The following MSANTD3 variants were observed in gnomAD, a reference collection of about 807,000 sequenced individuals.
The protein encoded by MSANTD3 is Myb/SANT DNA binding domain containing 3.
In MSANTD3, 11 loss-of-function variants were observed where a neutral mutation model predicts 27.7. That is an observed-to-expected ratio of 0.40 (90% CI 0.25 to 0.66). MSANTD3 has a LOEUF of 0.66. Among genes scored for constraint, MSANTD3 ranks in the 30% least tolerant of loss-of-function variants. The pLI is 0.41. For missense variants in MSANTD3, 250 were observed against 336.5 expected, an observed-to-expected ratio of 0.74 and a Z score of 2.01; for synonymous variants, 131 against 127.2, an observed-to-expected ratio of 1.03 and a Z score of -0.20.
intron 2 of MSANTD3, 147 bp from the exon 3 acceptor site, chr9:100,450,410 A>G: frequency 1.7e-6 from 1 of 600,212 alleles, no homozygotes; most frequent in Non-Finnish European, 2.6e-6. Flanking sequence ...AGGTGTGGCT[A>G]GGGTCCCTGT....
chr9:100,448,386 G>C, intron 2 of MSANTD3: 2 of 985,238 alleles, frequency 2.0e-6, no homozygotes, highest in Non-Finnish European at 2.4e-6. Flanking sequence ...GACATTTTCA[G>C]ATCCAAAACT....
intron 1 of MSANTD3, among the ~76,000 whole-genome samples, chr9:100,437,839 T>C (rs1836510219): frequency 6.6e-6 from 1 of 152,172 alleles, no homozygotes; most frequent in African/African-American, 2.4e-5. Context: ...CAGAAAACAT[T>C]GAAGTATAAC....
At chr9:100,431,154 C>T (rs1025558805) in intron 1 of MSANTD3, among the ~76,000 whole-genome samples, 5 of 152,018 alleles carry the variant, frequency 3.3e-5, no homozygotes, top group African/African-American at 1.2e-4. Flanking sequence ...AGGCATGCAC[C>T]ATGATACCTG....
At chr9:100,441,444 C>T (rs112096474) in intron 1 of MSANTD3, among the ~76,000 whole-genome samples, 1 of 151,122 alleles carries the variant, frequency 6.6e-6, no homozygotes, top group African/African-American at 2.4e-5. Context: ...GACCAGCCTG[C>T]CCAACATGGT....
chr9:100,442,363 G>T lies in MSANTD3; in HGVS notation c.418+7G>T, dbSNP rs201158889. On this transcript the variant is annotated splice_region_variant and intron_variant, in intron 2 of 2. Transcript: ENST00000395067. ...CCCGACGCCTCAGCCCAAGGTATCCGTTCCTGATGCCAGTGTGCACGCTCT... is the reference window on the plus strand; with the variant it reads ...CCCGACGCCTCAGCCCAAGGTATCCTTTCCTGATGCCAGTGTGCACGCTCT... 1.2e-6 allele frequency: 2 copies of T among 1,604,198 alleles called. No homozygotes were observed. The highest frequency in any genetic ancestry group is 8.5e-7 in the Non-Finnish European group (1 of 1,175,936).
chr9:100,449,456 T>C (rs1836831573), intron 2 of MSANTD3, among the ~76,000 whole-genome samples: 1 of 152,058 alleles, frequency 6.6e-6, no homozygotes, highest in African/African-American at 2.4e-5. Context: ...AGAGTACATA[T>C]AAAGGAGAGA....
At chr9:100,448,929 C>T (rs1836819047) in intron 2 of MSANTD3, 9 of 984,864 alleles carry the variant, frequency 9.1e-6, no homozygotes, top group Non-Finnish European at 1.1e-5. Context: ...GTTACTTTAC[C>T]TCTTGGAGTG....
chr9:100,444,940 C>G, intron 2 of MSANTD3: 1 of 438,564 alleles, frequency 2.3e-6, no homozygotes, highest in Admixed American at 3.8e-5. Context: ...GATGTTTGTA[C>G]ATAGATGACA....
intron 1 of MSANTD3, 37 bp from the exon 2 acceptor site, chr9:100,441,869 G>T (rs1836631598): frequency 1.3e-6 from 2 of 1,522,052 alleles, no homozygotes; most frequent in Non-Finnish European, 1.8e-6. Context: ...TGTTTTTGCT[G>T]GAGTTGGTAA....
intron 1 of MSANTD3, among the ~76,000 whole-genome samples, chr9:100,432,086 T>A (rs1836388959): frequency 1.3e-5 from 2 of 152,112 alleles, no homozygotes; most frequent in Admixed American, 1.3e-4. Flanking sequence ...GGGGGAGACC[T>A]GGCTTTCAAC....
rs754540059 is a variant in MSANTD3, at chr9:100,440,931, C to CTT, written c.-33-954_-33-953dup. Among the ~76,000 whole-genome samples the CTT allele has an allele frequency of 3.5e-3, 341 of 98,288 alleles. 4 individuals are homozygous for CTT. The highest frequency in any genetic ancestry group is 8.3e-3 in the Middle Eastern group (1 of 120). The allele number at this position is 98,288 out of a possible 152,430, so 64.5% of individuals were successfully genotyped here. Reference sequence around the variant, plus strand: ...TGAGCCACTGTGCCCGGCTGTACATCTTTTTTTTTTTTTTTTTTTTTTGAG... The same window carrying CTT: ...TGAGCCACTGTGCCCGGCTGTACATCTTTTTTTTTTTTTTTTTTTTTTTTGAG... On this transcript the variant is annotated intron_variant, in intron 1 of 2. Transcript: ENST00000395067.
intron 1 of MSANTD3, among the ~76,000 whole-genome samples, chr9:100,432,248 A>C (rs1836392926): frequency 1.3e-5 from 2 of 152,254 alleles, no homozygotes; most frequent in African/African-American, 4.8e-5. Context: ...TTGACTGGAA[A>C]GCTCTCGAAA....
chr9:100,430,385 T>G (rs1836345745), intron 1 of MSANTD3, among the ~76,000 whole-genome samples: 1 of 150,940 alleles, frequency 6.6e-6, no homozygotes. Context: ...GGGTAAAGGA[T>G]TCCAGCCAAA....
In MSANTD3 at chr9:100,442,513, A is replaced by G. The variant is rs548530171; in HGVS notation, c.418+157A>G. 1.6e-4 allele frequency among the ~76,000 whole-genome samples: 24 copies of G among 152,332 alleles called. No homozygotes were observed. The South Asian group carries it at 2.9e-3, about 18-fold the overall frequency. ...GATCTCAGGATTATATAGGACATTC[A>G]AAGTCTTATAGAAGTGGGCGTGGTG... On this transcript the variant is annotated intron_variant, in intron 2 of 2. Transcript: ENST00000395067.
At chr9:100,439,372 T>C (rs73655546) in intron 1 of MSANTD3, among the ~76,000 whole-genome samples, 21,548 of 152,224 alleles carry the variant, frequency 0.14, 1,770 homozygotes, top group Middle Eastern at 0.2. Context: ...CCTCCCCTGC[T>C]TAATTTTTTA....
intron 1 of MSANTD3, among the ~76,000 whole-genome samples, chr9:100,440,972 G>A (rs1447031282): frequency 2.4e-5 from 3 of 122,516 alleles, no homozygotes; most frequent in Non-Finnish European, 4.8e-5. Context: ...GTCTCACTCT[G>A]TCACCCAGGC....
rs533234800 is a variant in MSANTD3, at chr9:100,441,951, G to A, written c.13G>A (p.Glu5Lys). MQNNEIIKPAKYFSE... is the reference protein window; with the variant it reads MQNNKIIKPAKYFSE... ...AATACAGTGGAAAATGCAAAACAAC[G>A]AAATTATAAAGCCTGCCAAATACTT... The change falls in exon 2 of 3, where the codon GAA becomes AAA. Residue 5 changes from glutamate to lysine, a missense_variant. This residue lies in a region of MSANTD3 where 13 missense variants were observed against 16.7 expected (regional missense o/e 0.78). Transcript: ENST00000395067. 158 of 1,605,210 alleles carry A rather than the reference G, an allele frequency of 9.8e-5. 3 individuals carry two copies. The South Asian group carries it at 1.7e-3, about 17-fold the overall frequency.
At position 100,450,943 on chromosome 9, in the gene MSANTD3, C is replaced by T. The variant is rs1030412271; in HGVS notation, c.805C>T (p.Arg269Trp). ...GGAATGGCCTGTTTCCTCATTTAAC[C>T]GGCCCTTTCCCAATTCGCCCTAAGA... Reference protein sequence around the residue: ...TKEWPVSSFNRPFPNSP With the variant: ...TKEWPVSSFNWPFPNSP Residue 269 changes from arginine to tryptophan, a missense_variant, in exon 3 of 3, where the codon CGG becomes TGG. Arg to Trp is a moderately radical substitution (Grantham distance 101). Around this residue, in one of 3 missense-constraint regions of MSANTD3, gnomAD observed 235 missense variants for 299.3 expected, o/e 0.79. Coordinates refer to ENST00000395067, the MANE Select transcript of MSANTD3 (RefSeq NM_080655.3). 15 of 1,596,040 alleles carry T rather than the reference C, an allele frequency of 9.4e-6. No homozygotes were observed. The highest frequency in any genetic ancestry group is 4.1e-5 in the African/African-American group (3 of 74,002).
intron 1 of MSANTD3, among the ~76,000 whole-genome samples, chr9:100,436,262 C>G (rs1323027833): frequency 6.6e-6 from 1 of 152,190 alleles, no homozygotes; most frequent in Non-Finnish European, 1.5e-5. Context: ...GATCACCCTG[C>G]CTCAGCCTCC....
Sources: gnomAD v4.1 joint callset for allele counts (sites outside exome capture counted in the v4.1 genomes callset) on GRCh38, gnomAD v4.1.1 for gene constraint, gnomAD v4.1.1 regional missense constraint, MANE v1.5 for transcripts, NCBI Gene and HGNC (gene_info 2026-07-23, HGNC 2026-07-21) for gene names.